The following EPB41L2 variants were observed in gnomAD, a reference collection of about 807,000 sequenced individuals.
EPB41L2 encodes band 4.1-like protein 2.
A neutral mutation model predicts 113.0 loss-of-function variants in EPB41L2; 43 were observed. The ratio of observed to expected loss-of-function variants is 0.38; its 90% CI spans 0.30 to 0.49. The LOEUF (loss-of-function observed/expected upper bound fraction) is 0.49. EPB41L2 is among the 20% of genes least tolerant of loss of function. The pLI, the probability that EPB41L2 is intolerant of heterozygous loss-of-function variation, is 0.95. For missense variants in EPB41L2, 1,147 were observed against 1,223.4 expected (o/e 0.94, Z 0.93); for synonymous variants, 442 against 436.7 (o/e 1.01, Z -0.15).
chr6:130,857,838 T>C (rs1780765042), intron 19 of EPB41L2, among the ~76,000 whole-genome samples: 1 of 152,174 alleles, frequency 6.6e-6, no homozygotes, highest in South Asian at 2.1e-4. Context: ...AGGGTCAATG[T>C]GAATATTAAT....
At chr6:131,043,584 TATAAA>T (rs961780793) in intron 1 of EPB41L2, among the ~76,000 whole-genome samples, 51 of 151,890 alleles carry the variant, frequency 3.4e-4, no homozygotes, top group African/African-American at 1.2e-3. Context: ...TGCAAGGAAA[TATAAA>T]AGAAAGAAAG....
At chr6:130,951,589 G>T (rs1334219687) in intron 3 of EPB41L2, among the ~76,000 whole-genome samples, 1 of 151,758 alleles carries the variant, frequency 6.6e-6, no homozygotes, top group Admixed American at 6.6e-5. Flanking sequence ...CTCCCAAAGT[G>T]CTAGGATTAC....
chr6:130,939,538 A>C (rs7774832), intron 3 of EPB41L2, among the ~76,000 whole-genome samples: 119,065 of 152,068 alleles, frequency 0.78, 47,110 homozygotes, highest in East Asian at 1. Context: ...CAGATGTAAG[A>C]CACCGCGCCC....
At chr6:130,916,977 C>T (rs2128529581) in intron 4 of EPB41L2, among the ~76,000 whole-genome samples, 1 of 152,306 alleles carries the variant, frequency 6.6e-6, no homozygotes, top group South Asian at 2.1e-4. Flanking sequence ...TAATTTTTGA[C>T]AGCTTCCTGC....
At chr6:130,960,918 C>T (rs1053716058) in intron 1 of EPB41L2, among the ~76,000 whole-genome samples, 3 of 152,150 alleles carry the variant, frequency 2.0e-5, no homozygotes, top group Non-Finnish European at 2.9e-5. Flanking sequence ...TTATATACTG[C>T]TATGTTCCCA....
intron 1 of EPB41L2, among the ~76,000 whole-genome samples, chr6:131,058,723 A>T (rs1415158927): frequency 6.6e-6 from 1 of 152,208 alleles, no homozygotes; most frequent in African/African-American, 2.4e-5. Context: ...TATTAGCTAT[A>T]ACTATAAACC....
Position 130,926,668 on chromosome 6 carries a change from T to C in EPB41L2, c.747A>G (p.Glu249=), listed in dbSNP as rs765960310. The C allele has an allele frequency of 1.2e-6, 2 of 1,609,476 alleles. No homozygotes were observed. Among genetic ancestry groups the C allele is most frequent in the Non-Finnish European group, 1.7e-6 (2 of 1,178,976 alleles). The change falls in exon 4 of 20, where the codon GAA becomes GAG. Residue 249 remains glutamate (E), a synonymous_variant. Coordinates refer to ENST00000337057, the MANE Select transcript of EPB41L2 (RefSeq NM_001431.4). The part of the protein sequence containing the change: ...KGQVLFDKVC[E]HLNLLEKDYF... The stretch of plus-strand genomic sequence containing the variant: ...AGTCTTTCTCCAAGAGATTGAGGTG[T>C]TCACACACTTTGTCAAATAACACTT...
chr6:130,948,006 A>T (rs957687429), intron 3 of EPB41L2, among the ~76,000 whole-genome samples: 1 of 152,196 alleles, frequency 6.6e-6, no homozygotes, highest in African/African-American at 2.4e-5. Flanking sequence ...ACTAAAATCT[A>T]TTCAAACTCC....
intron 1 of EPB41L2, among the ~76,000 whole-genome samples, chr6:131,043,646 C>G (rs1048591403): frequency 6.6e-6 from 1 of 152,104 alleles, no homozygotes; most frequent in South Asian, 2.1e-4. Context: ...CTATCACAAT[C>G]GCAATGTATG....
At chr6:130,995,266 C>T (rs571468750) in intron 1 of EPB41L2, among the ~76,000 whole-genome samples, 36 of 152,182 alleles carry the variant, frequency 2.4e-4, no homozygotes, top group African/African-American at 7.0e-4. Context: ...ACCTGGGAGG[C>T]GGAGCTTGCA....
chr6:130,870,401 C>T (rs1173114561), intron 14 of EPB41L2: 23 of 1,550,280 alleles, frequency 1.5e-5, no homozygotes, highest in East Asian at 7.3e-5. Flanking sequence ...AAAAAGCAAC[C>T]GAGGACACAA....
At chr6:130,947,005 T>A in intron 3 of EPB41L2, among the ~76,000 whole-genome samples, 1 of 147,898 alleles carries the variant, frequency 6.8e-6, no homozygotes, top group African/African-American at 2.6e-5. Context: ...AGCAATGCAC[T>A]GAATAAAGAA....
At chr6:130,932,620 C>G (rs1431382075) in intron 3 of EPB41L2, among the ~76,000 whole-genome samples, 1 of 151,546 alleles carries the variant, frequency 6.6e-6, no homozygotes, top group Non-Finnish European at 1.5e-5. Context: ...GAAGCCTGTT[C>G]CAATCTCTCA....
intron 1 of EPB41L2, among the ~76,000 whole-genome samples, chr6:130,957,246 G>A (rs1323074537): frequency 1.3e-5 from 2 of 152,198 alleles, no homozygotes; most frequent in Admixed American, 6.5e-5. Context: ...AGGACATTAT[G>A]AGGTGGAAAA....
At chr6:130,874,247 T>C (rs560267209) in intron 14 of EPB41L2, among the ~76,000 whole-genome samples, 1 of 151,940 alleles carries the variant, frequency 6.6e-6, no homozygotes, top group Non-Finnish European at 1.5e-5. Flanking sequence ...ACAGCCACTT[T>C]GAAAATGCAA....
intron 9 of EPB41L2, among the ~76,000 whole-genome samples, chr6:130,894,694 C>G (rs1361054702): frequency 6.6e-6 from 1 of 152,146 alleles, no homozygotes; most frequent in Non-Finnish European, 1.5e-5. Context: ...TTATTGCTTT[C>G]CTAATGATCA....
At chr6:130,929,902 C>CACACACAT (rs1307195800) in intron 3 of EPB41L2, among the ~76,000 whole-genome samples, 20 of 148,524 alleles carry the variant, frequency 1.3e-4, no homozygotes, top group African/African-American at 4.5e-4. Context: ...CACACATACA[C>CACACACAT]GCACAGTCAT....
chr6:130,908,250 T>C (rs1158255574), intron 5 of EPB41L2, among the ~76,000 whole-genome samples: 2 of 152,128 alleles, frequency 1.3e-5, no homozygotes, highest in South Asian at 2.1e-4. Flanking sequence ...GGGGAAGAAA[T>C]GAACAATGAG....
chr6:130,930,917 C>T (rs1347677792), intron 3 of EPB41L2, among the ~76,000 whole-genome samples: 1 of 151,276 alleles, frequency 6.6e-6, no homozygotes, highest in Non-Finnish European at 1.5e-5. Flanking sequence ...AATAAAACAC[C>T]TAGAAATGAA....
Sources: gnomAD v4.1 joint callset for allele counts (sites outside exome capture counted in the v4.1 genomes callset) on GRCh38, gnomAD v4.1.1 for gene constraint, MANE v1.5 for transcripts, NCBI Gene and HGNC (gene_info 2026-07-23, HGNC 2026-07-21) for gene names.